The following AOPEP variants were observed in gnomAD, a reference collection of about 807,000 sequenced individuals.
AOPEP encodes the protein aminopeptidase O (putative).
AOPEP carries 77 observed loss-of-function variants against 98.1 expected under a neutral mutation model. The ratio of observed to expected loss-of-function variants is 0.78; its 90% CI spans 0.65 to 0.95. The LOEUF (loss-of-function observed/expected upper bound fraction) is 0.95. Ranked by LOEUF, AOPEP falls within the 40% of genes least tolerant of loss-of-function variation. The pLI, the probability that AOPEP is intolerant of heterozygous loss-of-function variation, is 0.00. For synonymous variants in AOPEP, 346 were observed against 365.3 expected, an observed-to-expected ratio of 0.95 and a Z score of 0.60; for missense variants, 1,024 against 1,024.7, an observed-to-expected ratio of 1.00 and a Z score of 0.01.
chr9:95,076,910 C>T (rs889721531), intron 14 of AOPEP, among the ~76,000 whole-genome samples: 2 of 152,234 alleles, frequency 1.3e-5, no homozygotes, highest in African/African-American at 4.8e-5. Flanking sequence ...CCATCCCTAT[C>T]CCCAGCTGGA....
intron 16 of AOPEP, chr9:95,086,335 GC>G (rs1300628958): frequency 1.0e-6 from 1 of 985,334 alleles, no homozygotes; most frequent in African/African-American, 1.7e-5. Context: ...GGGGCCGTTT[GC>G]CCCCATGTGT....
At chr9:94,886,451 G>C (rs976943177) in intron 5 of AOPEP, among the ~76,000 whole-genome samples, 6 of 152,154 alleles carry the variant, frequency 3.9e-5, no homozygotes, top group African/African-American at 1.4e-4. Context: ...TCTTGAAGAA[G>C]ATTGTCACAC....
chr9:94,973,549 G>A (rs940926533), intron 10 of AOPEP, among the ~76,000 whole-genome samples: 2 of 152,154 alleles, frequency 1.3e-5, no homozygotes, highest in East Asian at 1.9e-4. Context: ...TTATAGCTCC[G>A]AGGAACTGGA....
intron 5 of AOPEP, among the ~76,000 whole-genome samples, chr9:94,811,505 C>T (rs1245404453): frequency 1.3e-5 from 2 of 152,200 alleles, no homozygotes; most frequent in Non-Finnish European, 2.9e-5. Flanking sequence ...TCTCCACTCC[C>T]CATCAGCAAT....
intron 11 of AOPEP, among the ~76,000 whole-genome samples, chr9:94,983,342 T>G (rs1022411141): frequency 2.0e-5 from 3 of 152,136 alleles, no homozygotes; most frequent in African/African-American, 7.2e-5. Flanking sequence ...ACTCCTCCCT[T>G]TCTTTGATTT....
At chr9:94,899,145 T>C (rs1301174139) in intron 5 of AOPEP, among the ~76,000 whole-genome samples, 2 of 145,962 alleles carry the variant, frequency 1.4e-5, no homozygotes, top group Admixed American at 7.0e-5. Flanking sequence ...GGAGGACTGA[T>C]GGGAGGAGGG....
chr9:94,780,779 A>G (rs367582663), intron 3 of AOPEP, among the ~76,000 whole-genome samples: 41 of 152,372 alleles, frequency 2.7e-4, no homozygotes, highest in African/African-American at 9.6e-4. Flanking sequence ...ACGATGAGCT[A>G]TCTTTGAAAA....
intron 5 of AOPEP, among the ~76,000 whole-genome samples, chr9:94,848,656 AAAAC>A (rs1297728250): frequency 6.6e-6 from 1 of 151,980 alleles, no homozygotes; most frequent in Non-Finnish European, 1.5e-5. Flanking sequence ...CAAAAACAAA[AAAAC>A]AAAAAAAAAA....
rs750301866 is a variant in AOPEP at position 95,079,392 on chromosome 9, ACAGT to A, written c.2233-1297_2233-1294del. 1.3e-3 allele frequency among the ~76,000 whole-genome samples: 198 copies of A among 152,222 alleles called. 5 individuals carry two copies. The highest frequency in any genetic ancestry group is 3.9e-4 in the Admixed American group (6 of 15,286). ...TTACTATAGAGTATCTCCCTCTTTC[ACAGT>A]CAGTAAAAACAAGGGGTGATAGAAG... On this transcript the variant is annotated intron_variant, in intron 14 of 16. Transcript: ENST00000375315.
chr9:94,950,643 A>T (rs1242118282), intron 7 of AOPEP, among the ~76,000 whole-genome samples: 2 of 152,190 alleles, frequency 1.3e-5, no homozygotes, highest in Non-Finnish European at 2.9e-5. Flanking sequence ...GCTGCGACTA[A>T]CAGAAACACT....
At chr9:95,132,248 C>A in the AOPEP span, among the ~76,000 whole-genome samples, 1 of 152,220 alleles carries the variant, frequency 6.6e-6, no homozygotes, top group Non-Finnish European at 1.5e-5. Flanking sequence ...GCCACCCTGA[C>A]ACCCTGCAGA....
intron 5 of AOPEP, among the ~76,000 whole-genome samples, chr9:94,806,025 C>T (rs1031771884): frequency 1.7e-4 from 26 of 152,174 alleles, no homozygotes; most frequent in Admixed American, 9.8e-4. Context: ...GTTGGCTTTA[C>T]TTGAATTTTT....
At chr9:94,777,690 G>A (rs1842456501) in intron 3 of AOPEP, among the ~76,000 whole-genome samples, 1 of 127,610 alleles carries the variant, frequency 7.8e-6, no homozygotes, top group Non-Finnish European at 1.5e-5. Flanking sequence ...CTGGAGTACA[G>A]TGGCGCGATC....
rs1046163476 is a variant in AOPEP at position 94,910,087 on chromosome 9, C to T, written c.1365-13899C>T. On this transcript the variant is annotated intron_variant, in intron 5 of 16. Coordinates refer to ENST00000375315, the MANE Select transcript of AOPEP (RefSeq NM_001193329.3). The stretch of plus-strand genomic sequence containing the variant: ...GCCAGAGCTATGCAGGCGTTTGAAT[C>T]GCGGGTCCCTGCCTAGATGGACACT... Among the ~76,000 whole-genome samples the T allele has an allele frequency of 1.8e-4, 27 of 152,298 alleles. No individual in the cohort carries two copies. The East Asian group carries it at 3.9e-3, about 22-fold the overall frequency.
At chr9:94,887,830 C>G (rs930889442) in intron 5 of AOPEP, among the ~76,000 whole-genome samples, 2 of 151,950 alleles carry the variant, frequency 1.3e-5, no homozygotes, top group Non-Finnish European at 2.9e-5. Context: ...TCTGAAACTT[C>G]AGTCCATACA....
downstream of AOPEP, among the ~76,000 whole-genome samples, chr9:95,090,208 G>A (rs916767569): frequency 8.5e-5 from 13 of 152,228 alleles, no homozygotes; most frequent in African/African-American, 2.9e-4. Context: ...TGGTAGGTAC[G>A]AACAGTTAAC....
chr9:95,086,242 C>T (rs1023701270), intron 16 of AOPEP: 17 of 1,244,560 alleles, frequency 1.4e-5, no homozygotes, highest in African/African-American at 3.1e-5. Flanking sequence ...GCTCCTGCGG[C>T]GTGGGGGTTT....
intron 11 of AOPEP, among the ~76,000 whole-genome samples, chr9:94,981,168 G>T (rs555349874): frequency 2.0e-5 from 3 of 152,206 alleles, no homozygotes; most frequent in Non-Finnish European, 4.4e-5. Flanking sequence ...TCTCACTGCC[G>T]GGGGCTCTGT....
At chr9:94,727,883 TACTTCATACAACC>T (rs1376857843) in intron 1 of AOPEP, among the ~76,000 whole-genome samples, 5 of 152,228 alleles carry the variant, frequency 3.3e-5, no homozygotes, top group African/African-American at 1.2e-4. Context: ...GTTTTCTCCT[TACTTCATACAACC>T]ACCTCGTGAG....
Sources: gnomAD v4.1 joint callset for allele counts (sites outside exome capture counted in the v4.1 genomes callset) on GRCh38, gnomAD v4.1.1 for gene constraint, MANE v1.5 for transcripts, NCBI Gene and HGNC (gene_info 2026-07-23, HGNC 2026-07-21) for gene names.